The following CAST variants were observed in gnomAD, a reference collection of about 807,000 sequenced individuals.
CAST encodes the protein MIR583 host.
CAST carries 76 observed loss-of-function variants against 119.6 expected under a neutral mutation model. The ratio of observed to expected loss-of-function variants is 0.64; its 90% CI spans 0.53 to 0.77. CAST has a LOEUF of 0.77. CAST is among the 30% of genes least tolerant of loss of function. The probability of loss-of-function intolerance (pLI) is 0.00; values close to 1 mark genes in which losing one functional copy is unlikely to be tolerated. For synonymous variants in CAST, 319 were observed against 331.6 expected (o/e 0.96, Z 0.41); for missense variants, 953 against 946.5 (o/e 1.01, Z -0.09).
chr5:96,630,585 G>A (rs1220231351), intron 1 of CAST, among the ~76,000 whole-genome samples: 3 of 152,214 alleles, frequency 2.0e-5, no homozygotes, highest in East Asian at 3.9e-4. Flanking sequence ...TCAGGAGTTC[G>A]AGACCAGCCA....
intron 1 of CAST, among the ~76,000 whole-genome samples, chr5:96,540,601 T>G (rs761395709): frequency 5.3e-5 from 8 of 152,240 alleles, no homozygotes; most frequent in Non-Finnish European, 7.3e-5. Context: ...ACACTATTAT[T>G]AATTAAAATT....
the CAST span, among the ~76,000 whole-genome samples, chr5:96,431,907 G>A: frequency 1.3e-5 from 2 of 152,062 alleles, no homozygotes; most frequent in Non-Finnish European, 2.9e-5. Context: ...GCCAAGGAAA[G>A]GAAAGCTCTA....
At chr5:96,594,823 G>T (rs965099726) in intron 1 of CAST, among the ~76,000 whole-genome samples, 1 of 152,150 alleles carries the variant, frequency 6.6e-6, no homozygotes, top group Non-Finnish European at 1.5e-5. Flanking sequence ...ATTGTGGCAA[G>T]ATTTTTTTTT....
the CAST span, among the ~76,000 whole-genome samples, chr5:96,431,653 C>T: frequency 6.6e-6 from 1 of 152,104 alleles, no homozygotes; most frequent in Non-Finnish European, 1.5e-5. Flanking sequence ...ATTTTCCTTT[C>T]GGGCATTTCA....
the CAST span, among the ~76,000 whole-genome samples, chr5:96,049,837 T>C: frequency 5.9e-5 from 7 of 118,706 alleles, no homozygotes; most frequent in Middle Eastern, 7.7e-3. Context: ...TGAACAGAAC[T>C]GAGATTAGAA....
intron 1 of CAST, among the ~76,000 whole-genome samples, chr5:96,643,020 G>A (rs1170593885): frequency 1.0e-5 from 1 of 99,050 alleles, no homozygotes; most frequent in Non-Finnish European, 2.3e-5. Context: ...TGCTGCTAAG[G>A]GACAGCATTA....
At chr5:96,350,736 T>C in the CAST span, among the ~76,000 whole-genome samples, 1 of 152,120 alleles carries the variant, frequency 6.6e-6, no homozygotes, top group Non-Finnish European at 1.5e-5. Context: ...TTCCTCCTTC[T>C]CCATGTGCCC....
intron 1 of CAST, among the ~76,000 whole-genome samples, chr5:96,586,308 C>T (rs748912453): frequency 9.2e-5 from 14 of 152,104 alleles, no homozygotes; most frequent in Non-Finnish European, 1.5e-4. Flanking sequence ...TTTAAATCTT[C>T]GTTTTGTTTA....
the CAST span, among the ~76,000 whole-genome samples, chr5:96,424,864 G>GAGGCAGGAGAATCGCTTGA: frequency 3.3e-5 from 5 of 151,838 alleles, no homozygotes; most frequent in African/African-American, 1.2e-4. Context: ...TCCAGAGGCT[G>GAGGCAGGAGAATCGCTTGA]AGGCAGGAGA....
the CAST span, chr5:96,432,098 G>A: frequency 6.5e-7 from 1 of 1,534,908 alleles, no homozygotes; most frequent in Non-Finnish European, 8.7e-7. Flanking sequence ...TGAAGAACAA[G>A]AAAGAAATAG....
At chr5:96,152,186 G>A in the CAST span, among the ~76,000 whole-genome samples, 2 of 152,198 alleles carry the variant, frequency 1.3e-5, no homozygotes, top group African/African-American at 2.4e-5. Context: ...ATCAGTAGGG[G>A]CAGGTGTAAT....
chr5:96,303,652 C>T, the CAST span, among the ~76,000 whole-genome samples: 1 of 151,714 alleles, frequency 6.6e-6, no homozygotes, highest in African/African-American at 2.4e-5. Flanking sequence ...TCCCTGTGTC[C>T]ATGTGTTCTC....
At chr5:96,764,441 A>G (rs766922130) in intron 25 of CAST, among the ~76,000 whole-genome samples, 1 of 152,196 alleles carries the variant, frequency 6.6e-6, no homozygotes, top group Non-Finnish European at 1.5e-5. Flanking sequence ...TTTTTCCTCT[A>G]GAATACCAGC....
the CAST span, among the ~76,000 whole-genome samples, chr5:96,490,214 C>T: frequency 6.6e-6 from 1 of 152,306 alleles, no homozygotes; most frequent in African/African-American, 2.4e-5. Context: ...GGCCCACTTA[C>T]CTTTCCAGCC....
intron 1 of CAST, among the ~76,000 whole-genome samples, chr5:96,629,860 C>G (rs963242873): frequency 7.2e-5 from 11 of 152,172 alleles, no homozygotes; most frequent in African/African-American, 2.7e-4. Context: ...TTGATTTTGG[C>G]AGAGATGAAT....
the CAST span, among the ~76,000 whole-genome samples, chr5:96,413,995 C>T: frequency 1.4e-5 from 2 of 147,204 alleles, no homozygotes; most frequent in African/African-American, 2.5e-5. Flanking sequence ...AAAAATTAGC[C>T]GGGCGTAGTG....
chr5:96,245,950 A>G, the CAST span, among the ~76,000 whole-genome samples: 1 of 152,142 alleles, frequency 6.6e-6, no homozygotes, highest in Admixed American at 6.5e-5. Flanking sequence ...ATCTAAGTGT[A>G]TCCCAGAAGC....
chr5:96,317,365 T>C, the CAST span, among the ~76,000 whole-genome samples: 1 of 144,332 alleles, frequency 6.9e-6, no homozygotes, highest in Non-Finnish European at 1.5e-5. Flanking sequence ...TAGTCCCAAC[T>C]ACTAGGGAGG....
the CAST span, among the ~76,000 whole-genome samples, chr5:96,235,215 C>T: frequency 6.4e-3 from 982 of 152,298 alleles, 3 homozygotes; most frequent in Non-Finnish European, 9.9e-3. Flanking sequence ...TAGTCTAAGT[C>T]TGCCTTGGCA....
Sources: gnomAD v4.1 joint callset for allele counts (sites outside exome capture counted in the v4.1 genomes callset) on GRCh38, gnomAD v4.1.1 for gene constraint, MANE v1.5 for transcripts, NCBI Gene and HGNC (gene_info 2026-07-23, HGNC 2026-07-21) for gene names.